TACC2: variants seen among roughly 807,000 people sequenced by gnomAD.
The protein encoded by TACC2 is transforming acidic coiled-coil containing protein 2.
A neutral mutation model predicts 227.3 loss-of-function variants in TACC2; 137 were observed. The ratio of observed to expected loss-of-function variants is 0.60; its 90% CI spans 0.52 to 0.69. The LOEUF (loss-of-function observed/expected upper bound fraction) is 0.69, where lower values mean the gene tolerates loss of function less well. Among genes scored for constraint, TACC2 ranks in the 30% least tolerant of loss-of-function variants. The probability of loss-of-function intolerance (pLI) is 0.00; values close to 1 mark genes in which losing one functional copy is unlikely to be tolerated. For missense variants in TACC2, 3,470 were observed against 3,694.4 expected (o/e 0.94, Z 1.57); for synonymous variants, 1,523 against 1,487.5 (o/e 1.02, Z -0.55).
intron 5 of TACC2, among the ~76,000 whole-genome samples, chr10:122,131,555 A>G (rs2088109491): frequency 6.6e-6 from 1 of 152,208 alleles, no homozygotes; most frequent in Non-Finnish European, 1.5e-5. Context: ...AATATAATTA[A>G]ATGAATTACT....
chr10:122,171,882 T>C (rs2093489950), intron 7 of TACC2, among the ~76,000 whole-genome samples: 1 of 152,242 alleles, frequency 6.6e-6, no homozygotes, highest in Non-Finnish European at 1.5e-5. Context: ...GCCTTGTGTC[T>C]TTGCTCTGAA....
chr10:122,086,718 A>G lies in TACC2; in HGVS notation c.4218A>G (p.Pro1406=). The G allele has an allele frequency of 6.2e-7, 1 of 1,613,966 alleles. No homozygotes were observed. Among genetic ancestry groups the G allele is most frequent in the Non-Finnish European group, 8.5e-7 (1 of 1,179,962 alleles). Residue 1406 remains proline, a synonymous_variant, in exon 4 of 23, where the codon CCA becomes CCG. Transcript: ENST00000369005. Reference sequence around the variant, plus strand: ...AAATCGCCACCCTCACTGGCTTCCCAGACTTCAGGGAGCACATCGCCAAGA... The same window carrying G: ...AAATCGCCACCCTCACTGGCTTCCCGGACTTCAGGGAGCACATCGCCAAGA... ...SEQIATLTGF[P]DFREHIAKIF... is the part of the protein sequence containing the mutation.
At chr10:122,040,321 GA>G (rs1251207742) in intron 2 of TACC2, among the ~76,000 whole-genome samples, 5 of 152,162 alleles carry the variant, frequency 3.3e-5, no homozygotes, top group African/African-American at 1.2e-4. Flanking sequence ...CCCTCTCTGG[GA>G]AAGAGGTGGT....
intron 7 of TACC2, among the ~76,000 whole-genome samples, chr10:122,186,325 G>A (rs1311700357): frequency 6.6e-6 from 1 of 152,040 alleles, no homozygotes; most frequent in Non-Finnish European, 1.5e-5. Context: ...GGAGACCGAG[G>A]CAGGAGGGTC....
chr10:122,076,234 C>T (rs924045541), intron 3 of TACC2, among the ~76,000 whole-genome samples: 1 of 152,120 alleles, frequency 6.6e-6, no homozygotes, highest in South Asian at 2.1e-4. Context: ...AATGAGCATA[C>T]TAGCTCAAGT....
intron 1 of TACC2, among the ~76,000 whole-genome samples, chr10:122,005,403 C>T (rs1421184269): frequency 1.9e-5 from 2 of 105,092 alleles, no homozygotes; most frequent in East Asian, 3.0e-4. Flanking sequence ...TTTTTTGAGA[C>T]AGAGTCTTGC....
At chr10:122,190,523 T>C (rs2140455395) in intron 7 of TACC2, among the ~76,000 whole-genome samples, 1 of 152,278 alleles carries the variant, frequency 6.6e-6, no homozygotes, top group East Asian at 1.9e-4. Context: ...TGGGGTTACG[T>C]TGTTCCCTCT....
rs1367441530 is a variant in TACC2 at position 122,180,846 on chromosome 10, T to TTCTCCTGCCTCAGCC, written c.5835-14179_5835-14165dup. ...ACCTCTGCCTCCCAGGCTCAAGCGA[T>TTCTCCTGCCTCAGCC]TCTCCTGCCTCAGCCTCTCCTGCCT... On this transcript the variant is annotated intron_variant, in intron 7 of 22. Transcript: ENST00000369005. The surrounding 1 kb of genome is among the most constrained non-coding windows in gnomAD (Gnocchi z 4.5). Among the ~76,000 whole-genome samples, 2 of 152,186 alleles carry TTCTCCTGCCTCAGCC rather than the reference T, an allele frequency of 1.3e-5. No homozygotes were observed. The highest frequency in any genetic ancestry group is 2.9e-5 in the Non-Finnish European group (2 of 68,030).
chr10:122,007,933 G>A (rs1590969555), intron 1 of TACC2, among the ~76,000 whole-genome samples: 2 of 152,060 alleles, frequency 1.3e-5, no homozygotes, highest in Admixed American at 1.3e-4. Context: ...AAGCCAATTT[G>A]GCGTACTCTA....
intron 7 of TACC2, among the ~76,000 whole-genome samples, chr10:122,176,105 CTCTCTCTCTCTCTATA>C (rs1260144189): frequency 0.01 from 759 of 73,230 alleles, 6 homozygotes; most frequent in African/African-American, 0.044. Flanking sequence ...CTCTCTCTCT[CTCTCTCTCTCTCTATA>C]TATATATATA....
intron 16 of TACC2, among the ~76,000 whole-genome samples, chr10:122,230,972 C>T (rs2095731984): frequency 6.6e-6 from 1 of 152,236 alleles, no homozygotes; most frequent in Non-Finnish European, 1.5e-5. Context: ...GCAATTCTTT[C>T]TGTAAAGTGC....
intron 3 of TACC2, among the ~76,000 whole-genome samples, chr10:122,059,382 A>G (rs1307301466): frequency 2.0e-5 from 3 of 151,906 alleles, no homozygotes; most frequent in Non-Finnish European, 2.9e-5. Flanking sequence ...GAGCCAGTAG[A>G]TTTGGGATGA....
chr10:122,040,525 A>C (rs887085646), intron 2 of TACC2, among the ~76,000 whole-genome samples: 8 of 152,168 alleles, frequency 5.3e-5, no homozygotes, highest in African/African-American at 1.9e-4. Flanking sequence ...AGCTCCAAGC[A>C]TGTGGATTTC....
At chr10:122,234,872 C>G (rs1009561076) in intron 16 of TACC2, among the ~76,000 whole-genome samples, 2 of 152,148 alleles carry the variant, frequency 1.3e-5, no homozygotes, top group African/African-American at 4.8e-5. Context: ...TGCAGGGAGC[C>G]TGCTTATTTT....
intron 1 of TACC2, among the ~76,000 whole-genome samples, chr10:122,014,560 A>T (rs1382522509): frequency 6.6e-6 from 1 of 151,814 alleles, no homozygotes; most frequent in East Asian, 1.9e-4. Context: ...GCCCCTCTCC[A>T]CCCCATGCTC....
chr10:122,125,310 C>T (rs2086618718), intron 5 of TACC2, among the ~76,000 whole-genome samples: 1 of 152,138 alleles, frequency 6.6e-6, no homozygotes, highest in Admixed American at 6.6e-5. Flanking sequence ...ATCCTCCCAC[C>T]TCAGCCTCCC....
chr10:122,224,009 TGA>T (rs1044275992), intron 11 of TACC2, among the ~76,000 whole-genome samples: 1 of 152,188 alleles, frequency 6.6e-6, no homozygotes, highest in Admixed American at 6.5e-5. Flanking sequence ...GGAGTTCAGT[TGA>T]GTGTCAGCTT....
At chr10:122,036,013 T>G (rs1313286808) in intron 2 of TACC2, among the ~76,000 whole-genome samples, 1 of 152,144 alleles carries the variant, frequency 6.6e-6, no homozygotes, top group Non-Finnish European at 1.5e-5. Context: ...TGTAGGTACC[T>G]CATGTAAGTG....
At chr10:122,094,175 G>A (rs1248574296) in intron 5 of TACC2, among the ~76,000 whole-genome samples, 2 of 152,206 alleles carry the variant, frequency 1.3e-5, no homozygotes, top group Non-Finnish European at 2.9e-5. Flanking sequence ...CTTTGGAAAT[G>A]CAGCCTTTAT....
Sources: gnomAD v4.1 joint callset for allele counts (sites outside exome capture counted in the v4.1 genomes callset) on GRCh38, gnomAD v4.1.1 for gene constraint, Gnocchi (gnomAD v3.1) non-coding constraint, MANE v1.5 for transcripts, NCBI Gene and HGNC (gene_info 2026-07-23, HGNC 2026-07-21) for gene names.